Variants in RALYL observed in about 807,000 individuals in gnomAD.
RALYL encodes the protein RALY RNA binding protein like, also known as RNA-binding Raly-like protein.
Under a neutral mutation model 35.1 loss-of-function variants are expected in RALYL, and 29 were observed. The observed-to-expected ratio is 0.83, with a 90% confidence interval of 0.61 to 1.13. The LOEUF is 1.13. Ranked by LOEUF, RALYL falls within the 50% of genes most tolerant of loss-of-function variation. RALYL has a pLI of 0.00. For synonymous variants in RALYL, 120 were observed against 127.6 expected (o/e 0.94, Z 0.40); for missense variants, 359 against 360.4 (o/e 1.00, Z 0.03).
chr8:84,652,186 C>T (rs1320861146), intron 2 of RALYL, among the ~76,000 whole-genome samples: 1 of 152,030 alleles, frequency 6.6e-6, no homozygotes, highest in Non-Finnish European at 1.5e-5. Context: ...ATATAAATCT[C>T]TTCTTCCAAA....
chr8:84,685,150 G>A (rs1022614581), intron 2 of RALYL, among the ~76,000 whole-genome samples: 1 of 152,096 alleles, frequency 6.6e-6, no homozygotes, highest in African/African-American at 2.4e-5. Flanking sequence ...GGAGGCTGGG[G>A]TTTTGACATG....
intron 2 of RALYL, among the ~76,000 whole-genome samples, chr8:84,680,555 A>G (rs1207146291): frequency 3.9e-5 from 6 of 152,114 alleles, no homozygotes; most frequent in Non-Finnish European, 8.8e-5. Flanking sequence ...CTGGTGTGAG[A>G]TGGTATCTCA....
chr8:84,814,736 T>C (rs1451013722), intron 4 of RALYL, among the ~76,000 whole-genome samples: 1 of 152,196 alleles, frequency 6.6e-6, no homozygotes, highest in Non-Finnish European at 1.5e-5. Context: ...TCTGCAACTA[T>C]ATATATGATA....
At chr8:84,779,602 T>C (rs1817624486) in intron 3 of RALYL, among the ~76,000 whole-genome samples, 1 of 152,198 alleles carries the variant, frequency 6.6e-6, no homozygotes, top group Non-Finnish European at 1.5e-5. Flanking sequence ...TTGTCACAAG[T>C]CATTTCAAGA....
At chr8:84,692,045 A>C (rs1018343266) in intron 2 of RALYL, among the ~76,000 whole-genome samples, 3 of 152,054 alleles carry the variant, frequency 2.0e-5, no homozygotes, top group Admixed American at 2.0e-4. Flanking sequence ...TTTTTAAAAA[A>C]AACTTTGGAA....
At chr8:84,520,786 A>G (rs1461847187) in intron 1 of RALYL, among the ~76,000 whole-genome samples, 1 of 152,138 alleles carries the variant, frequency 6.6e-6, no homozygotes, top group Non-Finnish European at 1.5e-5. Flanking sequence ...CTGAGGTGGA[A>G]TGGTTTCATC....
intron 1 of RALYL, among the ~76,000 whole-genome samples, chr8:84,216,604 G>A (rs1820896934): frequency 6.6e-6 from 1 of 151,986 alleles, no homozygotes; most frequent in South Asian, 2.1e-4. Context: ...GGTCCCTGAT[G>A]CAGACTCTTC....
At chr8:84,751,695 T>C (rs1357660738) in intron 2 of RALYL, among the ~76,000 whole-genome samples, 6 of 152,050 alleles carry the variant, frequency 3.9e-5, no homozygotes, top group Non-Finnish European at 8.8e-5. Context: ...TGATGAAGTA[T>C]GTAGCACCTC....
At chr8:84,589,922 AATTG>A (rs1812859267) in intron 2 of RALYL, among the ~76,000 whole-genome samples, 5 of 152,226 alleles carry the variant, frequency 3.3e-5, no homozygotes, top group Admixed American at 3.3e-4. Context: ...GAACATGATA[AATTG>A]ATTGTGTTCT....
chr8:84,836,550 A>G (rs1213194693), intron 4 of RALYL, among the ~76,000 whole-genome samples: 1 of 152,232 alleles, frequency 6.6e-6, no homozygotes, highest in Non-Finnish European at 1.5e-5. Flanking sequence ...AATTTTGTAT[A>G]TATGTGTGCA....
At chr8:84,763,640 C>G (rs1813206690) in intron 2 of RALYL, among the ~76,000 whole-genome samples, 1 of 152,096 alleles carries the variant, frequency 6.6e-6, no homozygotes, top group Non-Finnish European at 1.5e-5. Flanking sequence ...GGCTTTATCT[C>G]TTGATAAAAT....
chr8:84,651,776 G>A (rs1483185140), intron 2 of RALYL, among the ~76,000 whole-genome samples: 1 of 151,998 alleles, frequency 6.6e-6, no homozygotes, highest in Non-Finnish European at 1.5e-5. Context: ...TATTGAATTA[G>A]ATTTGGAGCA....
At chr8:84,467,029 C>CTT (rs2133557824) in intron 1 of RALYL, among the ~76,000 whole-genome samples, 1 of 152,100 alleles carries the variant, frequency 6.6e-6, no homozygotes, top group East Asian at 1.9e-4. Flanking sequence ...TGATTCTTCT[C>CTT]TCTTTTTTTC....
At chr8:84,769,829 A>C (rs1814996352) in intron 2 of RALYL, among the ~76,000 whole-genome samples, 1 of 152,168 alleles carries the variant, frequency 6.6e-6, no homozygotes, top group African/African-American at 2.4e-5. Flanking sequence ...TATTTTCTTA[A>C]ATTCCTTATT....
At chr8:84,840,488 T>A (rs928818272) in intron 4 of RALYL, among the ~76,000 whole-genome samples, 1 of 152,212 alleles carries the variant, frequency 6.6e-6, no homozygotes, top group African/African-American at 2.4e-5. Context: ...AATCTACGCC[T>A]GACTGGTGTA....
intron 1 of RALYL, among the ~76,000 whole-genome samples, chr8:84,274,004 A>G (rs1001038061): frequency 1.3e-5 from 2 of 152,154 alleles, no homozygotes; most frequent in South Asian, 2.1e-4. Context: ...CTTTTTTCTC[A>G]TTTTAAAACT....
chr8:84,614,262 G>A (rs1314134002), intron 2 of RALYL, among the ~76,000 whole-genome samples: 5 of 151,538 alleles, frequency 3.3e-5, no homozygotes. Context: ...AGGTATTATT[G>A]TTGGTGTTGG....
At chr8:84,423,617 G>A (rs573198520) in intron 1 of RALYL, among the ~76,000 whole-genome samples, 78 of 151,450 alleles carry the variant, frequency 5.2e-4, no homozygotes, top group African/African-American at 1.7e-3. Flanking sequence ...GATTTTGCTC[G>A]TTAGTTGATG....
intron 7 of RALYL, among the ~76,000 whole-genome samples, chr8:84,878,308 T>C (rs78020875): frequency 0.013 from 2,048 of 152,198 alleles, 48 homozygotes; most frequent in African/African-American, 0.047. Flanking sequence ...TCTCCCTGAC[T>C]CAGCTACCAC....
Sources: gnomAD v4.1 joint callset for allele counts (sites outside exome capture counted in the v4.1 genomes callset) on GRCh38, gnomAD v4.1.1 for gene constraint, MANE v1.5 for transcripts, NCBI Gene and HGNC (gene_info 2026-07-23, HGNC 2026-07-21) for gene names.